The following ZNF248 variants were observed in gnomAD, a reference collection of about 807,000 sequenced individuals.
The protein encoded by ZNF248 is KRAB protein domain.
ZNF248 carries 20 observed loss-of-function variants against 44.3 expected under a neutral mutation model. The observed-to-expected ratio is 0.45, with a 90% CI of 0.32 to 0.66. ZNF248 has a LOEUF of 0.66. ZNF248 is among the 30% of genes least tolerant of loss of function. ZNF248 has a pLI of 0.04. For missense variants in ZNF248, 654 were observed against 677.0 expected (o/e 0.97, Z 0.38); for synonymous variants, 224 against 229.0 (o/e 0.98, Z 0.20).
intron 3 of ZNF248, among the ~76,000 whole-genome samples, chr10:37,855,653 AATATATGCAGC>A (rs1461352695): frequency 6.6e-6 from 1 of 152,264 alleles, no homozygotes; most frequent in Non-Finnish European, 1.5e-5. Flanking sequence ...CATGGTTAAC[AATATATGCAGC>A]AGACCAGGCA....
At chr10:37,824,978 G>A (rs182440435), downstream of ZNF248, among the ~76,000 whole-genome samples, 544 of 150,034 alleles carry the variant, frequency 3.6e-3, 3 homozygotes, top group Middle Eastern at 0.028. Flanking sequence ...GTGAGCCACC[G>A]CACCCAGCCA....
At position 37,829,848 on chromosome 10, in the gene ZNF248, CA is replaced by C; in HGVS notation, c.*1766del. ...CTCATTGCTCCCAAGTTCACCCCAA[CA>C]GAATCATTAAAATGGAACTTCCATG... On this transcript the variant is annotated 3_prime_UTR_variant, in exon 6 of 6. Transcript: ENST00000395867. The C allele has an allele frequency of 1.0e-6, 1 of 985,434 alleles. No individual in the cohort carries two copies. Among genetic ancestry groups the C allele is most frequent in the Non-Finnish European group, 1.2e-6 (1 of 829,932 alleles). 61.0% of individuals were successfully genotyped at this position (985,434 alleles called of 1,614,324 possible).
chr10:37,818,852 G>A lies in ZNF248; in HGVS notation c.330+14173C>T, dbSNP rs1275560195. ...GCTTTAAGAATAGTATTCTCTTGTA[G>A]GATGTCTTGCTGAGACTGGTTATAG... On this transcript the variant is annotated intron_variant, in intron 6 of 6. Transcript: ENST00000615949. The A allele has an allele frequency of 1.0e-5, 10 of 962,778 alleles. No individual in the cohort carries two copies. In the African/African-American group the frequency reaches 1.3e-4, roughly 12 times the overall value. 59.6% of individuals were successfully genotyped at this position (962,778 alleles called of 1,614,324 possible).
chr10:37,827,648 G>A (rs1428276049), downstream of ZNF248, among the ~76,000 whole-genome samples: 1 of 152,130 alleles, frequency 6.6e-6, no homozygotes, highest in African/African-American at 2.4e-5. Flanking sequence ...GAGAGATGAA[G>A]ATTCAGTGGA....
rs1364113002 is a variant in ZNF248, at chr10:37,857,575, C to G, written c.-516G>C. 2 of 152,306 alleles carry G rather than the reference C, an allele frequency of 1.3e-5. No individual in the cohort carries two copies. The highest frequency in any genetic ancestry group is 2.9e-5 in the Non-Finnish European group (2 of 68,102). The allele number at this position is 152,306 out of a possible 1,614,324, so 9.4% of individuals were successfully genotyped here. A position where few individuals can be genotyped will look rare whatever the true frequency, so the allele number is the denominator to read the frequency against. On this transcript the variant is annotated 5_prime_UTR_variant, in exon 1 of 6. Transcript: ENST00000395867. ...GGATAATTGTGTCTAATTCATTTGTCGCGGACCTGGCGCAGTCGCTCTCCC... is the reference window on the plus strand; with the variant it reads ...GGATAATTGTGTCTAATTCATTTGTGGCGGACCTGGCGCAGTCGCTCTCCC...
chr10:37,775,144 A>G (rs1344852471), downstream of ZNF248, among the ~76,000 whole-genome samples: 1 of 152,190 alleles, frequency 6.6e-6, no homozygotes, highest in African/African-American at 2.4e-5. Flanking sequence ...TCTGCACGTT[A>G]CTAATAATTA....
chr10:37,762,564 G>A, the ZNF248 span, among the ~76,000 whole-genome samples: 1 of 152,188 alleles, frequency 6.6e-6, no homozygotes, highest in African/African-American at 2.4e-5. Context: ...GCTAAGATTG[G>A]GGGATGGGGG....
At chr10:37,825,734 C>T (rs1365012573), downstream of ZNF248, among the ~76,000 whole-genome samples, 1 of 152,134 alleles carries the variant, frequency 6.6e-6, no homozygotes, top group Non-Finnish European at 1.5e-5. Context: ...AGCCACCCCA[C>T]CCAGCCGTCA....
intron 6 of ZNF248, among the ~76,000 whole-genome samples, chr10:37,817,771 T>C (rs980565133): frequency 2.6e-5 from 4 of 152,202 alleles, no homozygotes; most frequent in South Asian, 2.1e-4. Context: ...CAGCATTTTT[T>C]CCCCCCGAAG....
chr10:37,837,233 C>T (rs1027435419), intron 5 of ZNF248, among the ~76,000 whole-genome samples: 1 of 152,098 alleles, frequency 6.6e-6, no homozygotes, highest in Non-Finnish European at 1.5e-5. Flanking sequence ...CCTGTCTCAG[C>T]CTCCCAAGCA....
At chr10:37,853,050 A>G (rs1471836809) in intron 3 of ZNF248, among the ~76,000 whole-genome samples, 1 of 151,924 alleles carries the variant, frequency 6.6e-6, no homozygotes, top group African/African-American at 2.4e-5. Context: ...TATACTAGAA[A>G]CATGGTTTCA....
chr10:37,784,663 G>A (rs1175316164), intron 6 of ZNF248, among the ~76,000 whole-genome samples: 1 of 152,162 alleles, frequency 6.6e-6, no homozygotes, highest in Non-Finnish European at 1.5e-5. Context: ...CTAGATAGCA[G>A]CATATATTGT....
intron 4 of ZNF248, 130 bp downstream of exon 4, chr10:37,837,855 A>T: frequency 7.2e-7 from 1 of 1,381,244 alleles, no homozygotes; most frequent in Non-Finnish European, 9.9e-7. Flanking sequence ...AGGCAAGAGC[A>T]CCTTTATGGT....
chr10:37,820,907 T>G, intron 6 of ZNF248: 1 of 1,500,148 alleles, frequency 6.7e-7, no homozygotes, highest in Non-Finnish European at 9.3e-7. Flanking sequence ...TTTTCCTTAC[T>G]AATACCTACT....
At position 37,832,382 on chromosome 10, in the gene ZNF248, G is replaced by A. The variant is rs565890421; in HGVS notation, c.973C>T (p.Arg325Cys). 20 of 1,613,908 alleles carry A rather than the reference G, an allele frequency of 1.2e-5. No homozygotes were observed. Among genetic ancestry groups the A allele is most frequent in the East Asian group, 8.9e-5 (4 of 44,870 alleles). ...GTTTTGTCACTCACTTTATATTCAC[G>A]GAGAATCTTTCTTGTGTAAGCTCCC... ...HQGAYTRKIL[R>C]EYKVSDKTWE... The change falls in exon 6 of 6, where the codon CGT becomes TGT. Residue 325 changes from arginine (R) to cysteine (C), a missense_variant. Transcript: ENST00000395867.
chr10:37,841,021 G>C (rs1417445255), intron 3 of ZNF248, among the ~76,000 whole-genome samples: 6 of 152,172 alleles, frequency 3.9e-5, no homozygotes, highest in Admixed American at 3.9e-4. Context: ...TAAACCAAAG[G>C]AAGATTCAGA....
intron 5 of ZNF248, among the ~76,000 whole-genome samples, chr10:37,834,684 T>G (rs1375013599): frequency 6.6e-6 from 1 of 152,206 alleles, no homozygotes; most frequent in Non-Finnish European, 1.5e-5. Flanking sequence ...AAATCTGGGC[T>G]ATTTAAGTTT....
chr10:37,786,779 T>C (rs567914758), intron 6 of ZNF248, among the ~76,000 whole-genome samples: 1 of 152,336 alleles, frequency 6.6e-6, no homozygotes, highest in South Asian at 2.1e-4. Context: ...AAAATTTTTA[T>C]TTACATGAAC....
chr10:37,762,122 T>A, the ZNF248 span, among the ~76,000 whole-genome samples: 9 of 152,306 alleles, frequency 5.9e-5, no homozygotes, highest in Non-Finnish European at 7.4e-5. Flanking sequence ...GGTGAACTAA[T>A]AATTCTAGGT....
Sources: gnomAD v4.1 joint callset for allele counts (sites outside exome capture counted in the v4.1 genomes callset) on GRCh38, gnomAD v4.1.1 for gene constraint, MANE v1.5 for transcripts, NCBI Gene and HGNC (gene_info 2026-07-23, HGNC 2026-07-21) for gene names.